The following PTPRN2 variants were observed in gnomAD, a reference collection of about 807,000 sequenced individuals.
The protein encoded by PTPRN2 is protein tyrosine phosphatase receptor type N2.
Under a neutral mutation model 118.8 loss-of-function variants are expected in PTPRN2, and 74 were observed. That is an observed-to-expected ratio of 0.62 (90% CI 0.52 to 0.76). The LOEUF (loss-of-function observed/expected upper bound fraction) is 0.76, where lower values mean the gene tolerates loss of function less well. Among genes scored for constraint, PTPRN2 ranks in the 30% least tolerant of loss-of-function variants. The pLI is 0.00. For synonymous variants in PTPRN2, 641 were observed against 608.0 expected (o/e 1.05, Z -0.80); for missense variants, 1,481 against 1,394.4 (o/e 1.06, Z -0.99).
intron 21 of PTPRN2, among the ~76,000 whole-genome samples, chr7:157,567,808 G>A (rs976619976): frequency 6.6e-6 from 1 of 152,100 alleles, no homozygotes. Context: ...TCCATGGGAC[G>A]CTAACGGGTA....
intron 12 of PTPRN2, among the ~76,000 whole-genome samples, chr7:157,726,452 C>A (rs1210700573): frequency 1.3e-5 from 2 of 152,238 alleles, no homozygotes; most frequent in Admixed American, 6.5e-5. Context: ...TGAGCCAGAC[C>A]GTCACCTCCC....
chr7:157,796,345 G>C (rs776874788), intron 12 of PTPRN2, among the ~76,000 whole-genome samples: 8 of 152,218 alleles, frequency 5.3e-5, no homozygotes, highest in African/African-American at 1.7e-4. Flanking sequence ...TACCGGGATG[G>C]TGACATCCCT....
intron 1 of PTPRN2, among the ~76,000 whole-genome samples, chr7:158,560,133 G>A (rs1253780787): frequency 6.6e-6 from 1 of 152,222 alleles, no homozygotes; most frequent in Non-Finnish European, 1.5e-5. Context: ...TGTATTCAAA[G>A]GCCACCCATG....
Position 158,166,989 on chromosome 7 carries a change from G to A in PTPRN2, c.852C>T (p.Ala284=), listed in dbSNP as rs1056581259. 1 of 1,459,368 alleles carries A rather than the reference G, an allele frequency of 6.9e-7. No individual in the cohort carries two copies. Among genetic ancestry groups the A allele is most frequent in the Non-Finnish European group, 9.1e-7 (1 of 1,100,878 alleles). 90.4% of individuals were successfully genotyped at this position (1,459,368 alleles called of 1,614,324 possible). Residue 284 remains alanine (A), a synonymous_variant, in exon 6 of 23, where the codon GCC becomes GCT. Coordinates refer to ENST00000389418, the MANE Select transcript of PTPRN2 (RefSeq NM_002847.5). ...CCAGAGGTGAAGGCCACTTCTGGGG[G>A]GCGGCTGGTGCCAGCAAAGGCCTGG... The part of the protein sequence containing the change: ...RMPRPLLAPA[A]PQKWPSPLGD...
intron 5 of PTPRN2, among the ~76,000 whole-genome samples, chr7:158,189,751 G>A (rs575725878): frequency 4.6e-5 from 7 of 152,312 alleles, no homozygotes; most frequent in East Asian, 1.9e-4. Flanking sequence ...GGGACGTGAC[G>A]TCACGGCGCC....
chr7:158,097,357 T>C (rs910942556), intron 10 of PTPRN2, among the ~76,000 whole-genome samples: 1 of 152,166 alleles, frequency 6.6e-6, no homozygotes, highest in African/African-American at 2.4e-5. Flanking sequence ...GGGTTGAGAA[T>C]TCCCACTGCT....
At position 157,585,395 on chromosome 7, in the gene PTPRN2, T is replaced by G. The variant is rs1356218575; in HGVS notation, c.2497-7255A>C. 6.6e-6 allele frequency among the ~76,000 whole-genome samples: 1 copy of G among 152,208 alleles called. No individual in the cohort carries two copies. Among genetic ancestry groups the G allele is most frequent in the Non-Finnish European group, 1.5e-5 (1 of 68,028 alleles). ...CGGGTCTGTGTTCTCCGGGAAGGAC[T>G]CAGCCTGCTTGTGTGCAAGCAGACC... On this transcript the variant is annotated intron_variant, in intron 17 of 22. Transcript: ENST00000389418. The surrounding 1 kb of genome is among the most constrained non-coding windows in gnomAD (Gnocchi z 5.2).
At chr7:158,531,475 AC>A (rs1825229745) in intron 1 of PTPRN2, among the ~76,000 whole-genome samples, 3 of 152,176 alleles carry the variant, frequency 2.0e-5, no homozygotes, top group African/African-American at 7.2e-5. Flanking sequence ...TGAGAGAACG[AC>A]CCAGGGCTGT....
chr7:157,549,117 G>A, intron 21 of PTPRN2, 98 bp from the exon 22 acceptor site: 1 of 1,207,854 alleles, frequency 8.3e-7, no homozygotes, highest in Non-Finnish European at 1.2e-6. Context: ...GGGCTGAGAG[G>A]CCAATTGAAA....
At chr7:157,848,527 G>A (rs73746658) in intron 12 of PTPRN2, among the ~76,000 whole-genome samples, 4,882 of 151,974 alleles carry the variant, frequency 0.032, 267 homozygotes, top group African/African-American at 0.11. Context: ...CGATATTTAC[G>A]GAGCCCTCTC....
intron 11 of PTPRN2, among the ~76,000 whole-genome samples, chr7:157,899,172 G>A (rs1262928668): frequency 6.6e-6 from 1 of 152,238 alleles, no homozygotes; most frequent in East Asian, 1.9e-4. Flanking sequence ...CTGAATGTGT[G>A]TATTTCTGCC....
Position 158,164,420 on chromosome 7 carries a change from G to A in PTPRN2, c.910+2511C>T, listed in dbSNP as rs1218026761. Among the ~76,000 whole-genome samples the A allele has an allele frequency of 4.6e-4, 62 of 135,848 alleles. 3 individuals are homozygous for A. The highest frequency in any genetic ancestry group is 9.3e-4 in the Non-Finnish European group (58 of 62,220). 89.1% of individuals were successfully genotyped at this position (135,848 alleles called of 152,430 possible). A position where few individuals can be genotyped will look rare whatever the true frequency, so the allele number is the denominator to read the frequency against. On this transcript the variant is annotated intron_variant, in intron 6 of 22. Coordinates refer to ENST00000389418, the MANE Select transcript of PTPRN2 (RefSeq NM_002847.5). ...AGAGCAGGAGCGCGCGCGTAGGAAG[G>A]GCTCGCAGAGCAGGAGGGTGCGTAG...
chr7:157,895,531 T>C (rs1260340823), intron 12 of PTPRN2, among the ~76,000 whole-genome samples: 1 of 152,154 alleles, frequency 6.6e-6, no homozygotes, highest in East Asian at 1.9e-4. Flanking sequence ...AAATAACAGA[T>C]TTGATAAATT....
intron 11 of PTPRN2, among the ~76,000 whole-genome samples, chr7:157,994,556 A>AATG (rs375512738): frequency 2.7e-5 from 3 of 112,926 alleles, no homozygotes; most frequent in Admixed American, 2.6e-4. Context: ...TAAAATCAGC[A>AATG]CCGCGTCCCC....
intron 12 of PTPRN2, among the ~76,000 whole-genome samples, chr7:157,876,434 T>C (rs1795772439): frequency 6.6e-6 from 1 of 152,178 alleles, no homozygotes; most frequent in Non-Finnish European, 1.5e-5. Flanking sequence ...AGCCACAGCA[T>C]TTTCTTTTCC....
chr7:158,445,732 T>G (rs1817678965), intron 2 of PTPRN2, among the ~76,000 whole-genome samples: 2 of 152,236 alleles, frequency 1.3e-5, no homozygotes, highest in African/African-American at 4.8e-5. Flanking sequence ...CAGGAGACCC[T>G]GAGAGGGCGC....
At chr7:158,246,067 C>T (rs1476876278) in intron 3 of PTPRN2, among the ~76,000 whole-genome samples, 1 of 152,056 alleles carries the variant, frequency 6.6e-6, no homozygotes, top group South Asian at 2.1e-4. Context: ...CCAGGGATGA[C>T]CCAGGATTGT....
rs78586542 is a variant in PTPRN2, at chr7:157,872,834, G to A, written c.1788+25839C>T. Among the ~76,000 whole-genome samples, 1,406 of 152,310 alleles carry A rather than the reference G, an allele frequency of 9.2e-3. 54 individuals are homozygous for A. In the East Asian group the frequency reaches 0.12, roughly 13 times the overall value. On this transcript the variant is annotated intron_variant, in intron 12 of 22. Coordinates refer to ENST00000389418, the MANE Select transcript of PTPRN2 (RefSeq NM_002847.5). Reference sequence around the variant, plus strand: ...CTTCCTGGCGGGGTAGAGGGGTGACGGGTGCTTTCTGTGTGGGCCCTGTCT... The same window carrying A: ...CTTCCTGGCGGGGTAGAGGGGTGACAGGTGCTTTCTGTGTGGGCCCTGTCT...
At chr7:157,812,915 C>G (rs1211521838) in intron 12 of PTPRN2, among the ~76,000 whole-genome samples, 1 of 152,088 alleles carries the variant, frequency 6.6e-6, no homozygotes, top group African/African-American at 2.4e-5. Flanking sequence ...CCTTCCAAAC[C>G]CAGAAGCCTT....
Sources: allele counts gnomAD v4.1 joint callset (sites outside exome capture counted in the v4.1 genomes callset), GRCh38; gene constraint gnomAD v4.1.1; non-coding constraint Gnocchi (gnomAD v3.1); transcripts MANE v1.5; gene names NCBI Gene and HGNC (gene_info 2026-07-23, HGNC 2026-07-21).